The following RNF13 variants were observed in gnomAD, a reference collection of about 807,000 sequenced individuals.
RNF13 encodes the protein E3 ubiquitin-protein ligase RNF13.
RNF13 carries 19 observed loss-of-function variants against 37.7 expected under a neutral mutation model. The observed-to-expected ratio is 0.50, with a 90% CI of 0.35 to 0.74. The LOEUF is 0.74. Ranked by LOEUF, RNF13 falls within the 30% of genes least tolerant of loss-of-function variation. RNF13 has a pLI of 0.01. For missense variants in RNF13, 375 were observed against 453.0 expected, an observed-to-expected ratio of 0.83 and a Z score of 1.56; for synonymous variants, 144 against 157.8, an observed-to-expected ratio of 0.91 and a Z score of 0.65.
intron 1 of RNF13, among the ~76,000 whole-genome samples, chr3:149,814,857 T>G (rs985685660): frequency 1.3e-5 from 2 of 152,202 alleles, no homozygotes; most frequent in Non-Finnish European, 2.9e-5. Context: ...ACATAATTTT[T>G]TTTTGTTTTG....
At chr3:149,897,428 A>T (rs1397100324) in intron 5 of RNF13, among the ~76,000 whole-genome samples, 2 of 152,010 alleles carry the variant, frequency 1.3e-5, no homozygotes, top group African/African-American at 4.8e-5. Context: ...TTTATCACTT[A>T]TTTTTTCTTT....
At chr3:149,837,011 G>C (rs527269098) in intron 1 of RNF13, among the ~76,000 whole-genome samples, 1 of 152,184 alleles carries the variant, frequency 6.6e-6, no homozygotes, top group Non-Finnish European at 1.5e-5. Flanking sequence ...TAATTAATGT[G>C]TACCAGGTTT....
At chr3:149,844,010 A>T (rs1299229283) in intron 1 of RNF13, among the ~76,000 whole-genome samples, 1 of 152,200 alleles carries the variant, frequency 6.6e-6, no homozygotes, top group Non-Finnish European at 1.5e-5. Flanking sequence ...CCCCAAAGTT[A>T]GCTGGAAATT....
At chr3:149,875,364 G>A (rs1050294117) in intron 4 of RNF13, among the ~76,000 whole-genome samples, 1 of 151,982 alleles carries the variant, frequency 6.6e-6, no homozygotes, top group African/African-American at 2.4e-5. Context: ...GATTAATGTT[G>A]GTGAGTATTT....
At chr3:149,956,396 A>C (rs956941228) in intron 8 of RNF13, among the ~76,000 whole-genome samples, 2 of 152,224 alleles carry the variant, frequency 1.3e-5, no homozygotes, top group African/African-American at 2.4e-5. Context: ...TAAGCAAAAG[A>C]AGCATCAAAG....
intron 8 of RNF13, among the ~76,000 whole-genome samples, chr3:149,941,935 C>A (rs934403264): frequency 1.1e-5 from 1 of 90,374 alleles, no homozygotes; most frequent in Admixed American, 1.2e-4. Context: ...GTGGATATCC[C>A]AGTTTTCCCA....
At chr3:149,853,502 A>AGAGAGAGAGAGAGAC in intron 3 of RNF13, among the ~76,000 whole-genome samples, 1 of 88,082 alleles carries the variant, frequency 1.1e-5, no homozygotes, top group Non-Finnish European at 2.4e-5. Context: ...GAGAGAGAGA[A>AGAGAGAGAGAGAGAC]TGGACTATTA....
At position 149,854,034 on chromosome 3, in the gene RNF13, C is replaced by T. The variant is rs370383550; in HGVS notation, c.195+1438C>T. ...ATTTTTATGTAGAGATGGGGTTTCG[C>T]CATGTTGCCCAGGCTGGTCTTGAAC... On this transcript the variant is annotated intron_variant, in intron 3 of 9. Coordinates refer to ENST00000392894, the MANE Select transcript of RNF13 (RefSeq NM_183381.3). 6.6e-5 allele frequency among the ~76,000 whole-genome samples: 10 copies of T among 151,798 alleles called. No individual in the cohort carries two copies. In the East Asian group the frequency reaches 1.9e-3, roughly 29 times the overall value.
At chr3:149,848,683 C>G (rs551509821) in intron 2 of RNF13, among the ~76,000 whole-genome samples, 108 of 152,222 alleles carry the variant, frequency 7.1e-4, no homozygotes, top group African/African-American at 2.5e-3. Context: ...TTTGTAATGC[C>G]AGATGCCTTT....
intron 4 of RNF13, among the ~76,000 whole-genome samples, chr3:149,877,984 A>G (rs1712941981): frequency 6.6e-6 from 1 of 152,202 alleles, no homozygotes; most frequent in Admixed American, 6.5e-5. Flanking sequence ...TATTAAAATA[A>G]CAAAGCAAAA....
chr3:149,892,954 C>T (rs924313898), intron 4 of RNF13, among the ~76,000 whole-genome samples: 1 of 152,066 alleles, frequency 6.6e-6, no homozygotes, highest in South Asian at 2.1e-4. Context: ...CATAGGGGTA[C>T]AGGACAGGGC....
At chr3:149,906,645 C>CTTTG (rs1716432034) in intron 6 of RNF13, among the ~76,000 whole-genome samples, 1 of 79,154 alleles carries the variant, frequency 1.3e-5, no homozygotes, top group African/African-American at 5.0e-5. Context: ...TTCAATTCTG[C>CTTTG]TTTTTTTTTT....
intron 8 of RNF13, among the ~76,000 whole-genome samples, chr3:149,922,378 AAATG>A (rs373371501): frequency 6.6e-6 from 1 of 152,224 alleles, no homozygotes; most frequent in African/African-American, 2.4e-5. Context: ...ATGAATAAAT[AAATG>A]AATGAATGAA....
intron 1 of RNF13, among the ~76,000 whole-genome samples, chr3:149,840,801 G>A (rs3772203): frequency 6.6e-6 from 1 of 151,708 alleles, no homozygotes; most frequent in Admixed American, 6.5e-5. Flanking sequence ...GGAGGATAGA[G>A]ACTGGGAGCA....
intron 4 of RNF13, among the ~76,000 whole-genome samples, chr3:149,892,177 A>G (rs1011542177): frequency 6.6e-6 from 1 of 152,142 alleles, no homozygotes; most frequent in South Asian, 2.1e-4. Context: ...TAAGGTTTCT[A>G]TTTTAGGAGT....
chr3:149,883,380 G>A (rs1286361770), intron 4 of RNF13, among the ~76,000 whole-genome samples: 4 of 151,600 alleles, frequency 2.6e-5, no homozygotes, highest in Non-Finnish European at 4.4e-5. Flanking sequence ...TTTTCATATT[G>A]TATCTCTTTT....
intron 8 of RNF13, among the ~76,000 whole-genome samples, chr3:149,943,730 A>G (rs1357161894): frequency 6.6e-6 from 1 of 151,970 alleles, no homozygotes; most frequent in East Asian, 1.9e-4. Context: ...CTGTTTCCAC[A>G]GTCACTTTTT....
At chr3:149,868,527 C>T (rs1711596204) in intron 3 of RNF13, among the ~76,000 whole-genome samples, 1 of 151,506 alleles carries the variant, frequency 6.6e-6, no homozygotes, top group Non-Finnish European at 1.5e-5. Flanking sequence ...CCCTCCCTTC[C>T]CTTTTTCCTT....
chr3:149,944,764 G>T (rs182601678), intron 8 of RNF13, among the ~76,000 whole-genome samples: 1 of 151,922 alleles, frequency 6.6e-6, no homozygotes, highest in Non-Finnish European at 1.5e-5. Context: ...TAGGTTGCCT[G>T]TTCACTCTGA....
Sources: allele counts gnomAD v4.1 joint callset (sites outside exome capture counted in the v4.1 genomes callset), GRCh38; gene constraint gnomAD v4.1.1; transcripts MANE v1.5; gene names NCBI Gene and HGNC (gene_info 2026-07-23, HGNC 2026-07-21).